WDR72: variants seen among roughly 807,000 people sequenced by gnomAD.
WDR72 encodes the protein WD repeat domain 72, also known as WD repeat-containing protein 72.
In WDR72, 120 loss-of-function variants were observed where a neutral mutation model predicts 124.2. The observed-to-expected ratio is 0.97, with a 90% CI of 0.83 to 1.12. WDR72 has a LOEUF of 1.12. Among genes scored for constraint, WDR72 ranks in the 50% most tolerant of loss-of-function variants. The pLI is 0.00. For missense variants in WDR72, 1,387 were observed against 1,278.8 expected (o/e 1.08, Z -1.29); for synonymous variants, 452 against 441.7 (o/e 1.02, Z -0.29).
rs1491231019 is a variant in WDR72 at position 53,552,127 on chromosome 15, CAT to C, written c.3149-28807_3149-28806del. ...CTCAACTGAATTATTCTATACCTAT[CAT>C]GTGTGTGTGTGTGTGTGTGTGTGTT... On this transcript the variant is annotated intron_variant, in intron 18 of 19. Coordinates refer to ENST00000360509, the MANE Select transcript of WDR72 (RefSeq NM_182758.4). Among the ~76,000 whole-genome samples, 108 of 79,298 alleles carry C rather than the reference CAT, an allele frequency of 1.4e-3. 1 individual carries two copies. In the South Asian group the frequency reaches 0.044, roughly 32 times the overall value. The allele number at this position is 79,298 out of a possible 152,430, so 52.0% of individuals were successfully genotyped here. A position where few individuals can be genotyped will look rare whatever the true frequency, so the allele number is the denominator to read the frequency against.
upstream of WDR72, among the ~76,000 whole-genome samples, chr15:53,762,453 G>C (rs1052646093): frequency 2.6e-5 from 4 of 152,114 alleles, no homozygotes; most frequent in African/African-American, 9.7e-5. Context: ...CTCTGTAAAG[G>C]CAGGGACACC....
intron 9 of WDR72, among the ~76,000 whole-genome samples, chr15:53,709,616 A>G (rs2017477679): frequency 6.6e-6 from 1 of 152,196 alleles, no homozygotes; most frequent in African/African-American, 2.4e-5. Flanking sequence ...AAAATAACTG[A>G]ATATGCTTTT....
intron 18 of WDR72, among the ~76,000 whole-genome samples, chr15:53,527,438 C>T (rs1208385848): frequency 6.6e-6 from 1 of 152,030 alleles, no homozygotes; most frequent in Non-Finnish European, 1.5e-5. Flanking sequence ...AAAAAGTCTC[C>T]ATCCACGTCC....
At chr15:53,715,050 G>T (rs569883826) in intron 5 of WDR72, 143 bp downstream of exon 5, 2 of 898,006 alleles carry the variant, frequency 2.2e-6, no homozygotes, top group South Asian at 1.8e-5. Context: ...TCTTGATCAG[G>T]TGTATTACAG....
chr15:53,591,997 T>C (rs982519756), intron 18 of WDR72, among the ~76,000 whole-genome samples: 8 of 152,044 alleles, frequency 5.3e-5, no homozygotes, highest in Non-Finnish European at 8.8e-5. Context: ...ACACCTGGAA[T>C]ACCACATGTA....
At chr15:53,614,182 T>G (rs755860153) in intron 15 of WDR72, among the ~76,000 whole-genome samples, 2 of 152,114 alleles carry the variant, frequency 1.3e-5, no homozygotes, top group Admixed American at 1.3e-4. Flanking sequence ...CCTAGGCCAG[T>G]GTTCTAATCA....
chr15:53,633,319 C>A (rs554950965), intron 14 of WDR72, among the ~76,000 whole-genome samples: 1 of 152,262 alleles, frequency 6.6e-6, no homozygotes, highest in East Asian at 1.9e-4. Flanking sequence ...GTAAGACGTG[C>A]CTACGTCCCC....
intron 18 of WDR72, among the ~76,000 whole-genome samples, chr15:53,578,389 G>GC (rs1331306325): frequency 5.9e-5 from 9 of 152,092 alleles, no homozygotes; most frequent in Non-Finnish European, 1.3e-4. Context: ...AAACCTTTAG[G>GC]CAGGAGGCTG....
intron 17 of WDR72, among the ~76,000 whole-genome samples, chr15:53,607,328 T>C (rs1051754204): frequency 2.0e-5 from 3 of 151,756 alleles, no homozygotes; most frequent in South Asian, 2.1e-4. Flanking sequence ...AAAGGAGACA[T>C]ATGGACCAAT....
At chr15:53,592,955 C>A (rs2012579859) in intron 18 of WDR72, among the ~76,000 whole-genome samples, 1 of 152,102 alleles carries the variant, frequency 6.6e-6, no homozygotes, top group Non-Finnish European at 1.5e-5. Context: ...AAAATCACCA[C>A]TTTCCCATAA....
rs531489052 is a variant in WDR72 at position 53,675,162 on chromosome 15, G to A, written c.1766-9394C>T. On this transcript the variant is annotated intron_variant, in intron 13 of 19. Transcript: ENST00000360509. ...GATTGAGACCATCCTGGCCAACATG[G>A]TGAAACCCCATCTCTACTAAAATAC... is the stretch of plus-strand genomic sequence containing the variant. Among the ~76,000 whole-genome samples the A allele has an allele frequency of 4.1e-4, 62 of 152,202 alleles. 1 individual carries two copies. The highest frequency in any genetic ancestry group is 4.2e-4 in the South Asian group (2 of 4,816).
intron 16 of WDR72, among the ~76,000 whole-genome samples, chr15:53,611,111 C>A (rs1335076668): frequency 1.3e-5 from 2 of 152,124 alleles, no homozygotes; most frequent in African/African-American, 4.8e-5. Context: ...TCAATTCCTG[C>A]TGACAGAAGT....
chr15:53,687,680 G>T (rs1289019426), intron 13 of WDR72, among the ~76,000 whole-genome samples: 2 of 146,354 alleles, frequency 1.4e-5, no homozygotes, highest in Non-Finnish European at 1.5e-5. Flanking sequence ...CCAATCAATA[G>T]AAAAAGAGGG....
chr15:53,711,002 T>C (rs2140545702), intron 8 of WDR72, 49 bp from the exon 9 acceptor site: 1 of 1,500,616 alleles, frequency 6.7e-7, no homozygotes, highest in Non-Finnish European at 9.2e-7. Context: ...AGGTTCTTTA[T>C]TCGTTTTTTT....
At chr15:53,666,766 G>A (rs1430246699) in intron 13 of WDR72, among the ~76,000 whole-genome samples, 2 of 152,104 alleles carry the variant, frequency 1.3e-5, no homozygotes, top group African/African-American at 4.8e-5. Flanking sequence ...AGGCCACTAT[G>A]TCTTTAGATA....
At chr15:53,747,853 A>G (rs1423730475) in intron 1 of WDR72, among the ~76,000 whole-genome samples, 1 of 152,180 alleles carries the variant, frequency 6.6e-6, no homozygotes, top group Admixed American at 6.5e-5. Flanking sequence ...ACTTTTATTT[A>G]TATTCAATTA....
chr15:53,760,856 G>A (rs1197006296), upstream of WDR72, among the ~76,000 whole-genome samples: 1 of 152,160 alleles, frequency 6.6e-6, no homozygotes, highest in African/African-American at 2.4e-5. Context: ...AGACACAATG[G>A]CTCACATTTG....
chr15:53,656,073 C>G (rs78781070), intron 14 of WDR72, among the ~76,000 whole-genome samples: 1,969 of 152,278 alleles, frequency 0.013, 32 homozygotes, highest in East Asian at 0.069. Context: ...AATTTTCAGT[C>G]CCATTTGATT....
chr15:53,660,873 G>C (rs2015586334), intron 14 of WDR72, among the ~76,000 whole-genome samples: 1 of 152,114 alleles, frequency 6.6e-6, no homozygotes, highest in African/African-American at 2.4e-5. Context: ...CAGAGGTTGG[G>C]ATAAGTTGTT....
Sources: gnomAD v4.1 joint callset for allele counts (sites outside exome capture counted in the v4.1 genomes callset) on GRCh38, gnomAD v4.1.1 for gene constraint, MANE v1.5 for transcripts, NCBI Gene and HGNC (gene_info 2026-07-23, HGNC 2026-07-21) for gene names.